The following EVI2B variants were observed in gnomAD, a reference collection of about 807,000 sequenced individuals.
The protein encoded by EVI2B is ecotropic viral integration site 2B.
In EVI2B, 4 loss-of-function variants were observed where a neutral mutation model predicts 6.6. The observed-to-expected ratio is 0.61, with a 90% CI of 0.30 to 1.39. EVI2B has a LOEUF of 1.39. EVI2B is among the 40% of genes most tolerant of loss of function. EVI2B has a pLI of 0.08. For synonymous variants in EVI2B, 181 were observed against 186.8 expected (o/e 0.97, Z 0.25); for missense variants, 484 against 516.6 (o/e 0.94, Z 0.61).
intron 1 of EVI2B, 130 bp downstream of exon 1, chr17:31,313,849 A>G: frequency 2.6e-6 from 1 of 390,768 alleles, no homozygotes; most frequent in Non-Finnish European, 4.5e-6. Context: ...ATTCTATGCA[A>G]CAAAACCACA....
At chr17:31,310,457 G>C (rs1286939439) in intron 1 of EVI2B, among the ~76,000 whole-genome samples, 2 of 152,108 alleles carry the variant, frequency 1.3e-5, no homozygotes, top group African/African-American at 2.4e-5. Context: ...TGAAGTAGAT[G>C]AAAGAAGCAA....
Position 31,304,055 on chromosome 17 carries a change from T to C in EVI2B, c.*208A>G, listed in dbSNP as rs1172421221. On this transcript the variant is annotated 3_prime_UTR_variant, in exon 2 of 2. Transcript: ENST00000330927. ...TGTAAAATGTACTATACTTTAAAGA[T>C]AGGTACTATAATTAGTAAATAGATT... is the stretch of plus-strand genomic sequence containing the variant. 4.3e-6 allele frequency: 2 copies of C among 468,852 alleles called. No individual in the cohort carries two copies. The highest frequency in any genetic ancestry group is 7.5e-6 in the Non-Finnish European group (2 of 267,612). 29.0% of individuals were successfully genotyped at this position (468,852 alleles called of 1,614,324 possible). A position where few individuals can be genotyped will look rare whatever the true frequency, so the allele number is the denominator to read the frequency against.
intron 1 of EVI2B, among the ~76,000 whole-genome samples, chr17:31,312,049 T>C (rs566664324): frequency 2.0e-5 from 3 of 152,224 alleles, no homozygotes; most frequent in East Asian, 3.9e-4. Context: ...CTGAAAATTT[T>C]GTGGTGATTT....
chr17:31,313,128 TATA>T (rs1295192516), intron 1 of EVI2B, among the ~76,000 whole-genome samples: 1 of 152,268 alleles, frequency 6.6e-6, no homozygotes, highest in Non-Finnish European at 1.5e-5. Context: ...ATAAAGCATG[TATA>T]ATAATAATAG....
chr17:31,306,401 G>C (rs955065166), intron 1 of EVI2B, among the ~76,000 whole-genome samples: 6 of 151,830 alleles, frequency 4.0e-5, no homozygotes, highest in Admixed American at 1.3e-4. Flanking sequence ...TATATATATA[G>C]ATAGATAGAC....
At position 31,304,551 on chromosome 17, in the gene EVI2B, G is replaced by T; in HGVS notation, c.1059C>A (p.Asn353Lys). The T allele has an allele frequency of 6.2e-7, 1 of 1,614,164 alleles. No individual in the cohort carries two copies. The highest frequency in any genetic ancestry group is 1.3e-5 in the African/African-American group (1 of 75,042). ...PLLDLEGQESNQSDKPTMTIV... is the reference protein window; with the variant it reads ...PLLDLEGQESKQSDKPTMTIV... Reference sequence around the variant, plus strand: ...TTGTCATTGTGGGTTTGTCAGATTGGTTACTTTCCTGTCCTTCCAAATCCA... The same window carrying T: ...TTGTCATTGTGGGTTTGTCAGATTGTTTACTTTCCTGTCCTTCCAAATCCA... Residue 353 changes from asparagine (N) to lysine (K), a missense_variant, in exon 2 of 2, where the codon AAC (asparagine) becomes AAA (lysine). Asn to Lys is a moderately conservative substitution (Grantham distance 94). Coordinates refer to ENST00000330927, the MANE Select transcript of EVI2B (RefSeq NM_006495.4).
At chr17:31,312,485 C>T (rs1412739274) in intron 1 of EVI2B, among the ~76,000 whole-genome samples, 1 of 145,244 alleles carries the variant, frequency 6.9e-6, no homozygotes, top group Non-Finnish European at 1.5e-5. Flanking sequence ...TGCCGCTGCA[C>T]ACCAGCCTGG....
intron 1 of EVI2B, among the ~76,000 whole-genome samples, chr17:31,307,569 G>GT (rs1252694628): frequency 3.9e-5 from 6 of 152,292 alleles, no homozygotes; most frequent in African/African-American, 1.4e-4. Context: ...TTAAGTTTCA[G>GT]TTCTACTTCT....
rs1237066518 is a variant in EVI2B at position 31,304,064 on chromosome 17, T to C, written c.*199A>G. On this transcript the variant is annotated 3_prime_UTR_variant, in exon 2 of 2. Coordinates refer to ENST00000330927, the MANE Select transcript of EVI2B (RefSeq NM_006495.4). ...TACTATACTTTAAAGATAGGTACTA[T>C]AATTAGTAAATAGATTACTGTTAAA... is the stretch of plus-strand genomic sequence containing the variant. 1 of 503,200 alleles carries C rather than the reference T, an allele frequency of 2.0e-6. No homozygotes were observed. The highest frequency in any genetic ancestry group is 3.5e-6 in the Non-Finnish European group (1 of 287,826). The allele number at this position is 503,200 out of a possible 1,614,324, so 31.2% of individuals were successfully genotyped here.
chr17:31,304,516 G>A lies in EVI2B; in HGVS notation c.1094C>T (p.Pro365Leu). Residue 365 changes from proline to leucine, a missense_variant, in exon 2 of 2, where the codon CCT becomes CTT. By Grantham distance (98) the Pro-to-Leu change is moderately conservative. Coordinates refer to ENST00000330927, the MANE Select transcript of EVI2B (RefSeq NM_006495.4). ...GAGACTAGTAGAATCATTTGGAAGAGGAGATACAATTGTCATTGTGGGTTT... is the reference window on the plus strand; with the variant it reads ...GAGACTAGTAGAATCATTTGGAAGAAGAGATACAATTGTCATTGTGGGTTT... ...SDKPTMTIVS[P>L]LPNDSTSLPP... The A allele has an allele frequency of 1.2e-6, 2 of 1,614,178 alleles. No homozygotes were observed. Among genetic ancestry groups the A allele is most frequent in the South Asian group, 1.1e-5 (1 of 91,082 alleles).
In EVI2B at chr17:31,305,211, A is replaced by T. The variant is rs774439090; in HGVS notation, c.399T>A (p.Thr133=). 1 of 1,614,182 alleles carries T rather than the reference A, an allele frequency of 6.2e-7. No homozygotes were observed. Among genetic ancestry groups the T allele is most frequent in the Admixed American group, 1.7e-5 (1 of 60,018 alleles). Residue 133 remains threonine, a synonymous_variant, in exon 2 of 2, where the codon ACT becomes ACA. Transcript: ENST00000330927. ...TSARQLPSAR[T]STTQPPKSFV... The stretch of plus-strand genomic sequence containing the variant: ...ATGACTTTGGTGGTTGTGTGGTAGA[A>T]GTACGGGCAGATGGTAGTTGTCTGG...
chr17:31,305,429 G>T lies in EVI2B; in HGVS notation c.181C>A (p.Gln61Lys). ...TGTCCAGAAAAAGTGTCGCTGAATT[G>T]TGTTGGTTGACCCAAAGGATTCCCT... ...TTGNPLGQPT[Q>K]FSDTFSGQSI... The change falls in exon 2 of 2, where the codon CAA becomes AAA. Residue 61 changes from glutamine (Q) to lysine (K), a missense_variant. Transcript: ENST00000330927. 6.2e-7 allele frequency: 1 copy of T among 1,614,178 alleles called. No individual in the cohort carries two copies. Among genetic ancestry groups the T allele is most frequent in the Non-Finnish European group, 8.5e-7 (1 of 1,180,026 alleles).
chr17:31,310,386 C>T (rs1032571686), intron 1 of EVI2B, among the ~76,000 whole-genome samples: 10 of 145,856 alleles, frequency 6.9e-5, no homozygotes, highest in African/African-American at 2.6e-4. Context: ...ATATAATTAG[C>T]AAGAAGGCAG....
In EVI2B at chr17:31,304,780, G is replaced by C; in HGVS notation, c.830C>G (p.Pro277Arg). ...TSIISLTPWK[P>R]SKSTLLADDL... ...ATCTGCTAAAAGTGTGCTTTTGCTTGGTTTCCAGGGTGTAAGTGAAATGAT... is the reference window on the plus strand; with the variant it reads ...ATCTGCTAAAAGTGTGCTTTTGCTTCGTTTCCAGGGTGTAAGTGAAATGAT... The change falls in exon 2 of 2, where the codon CCA becomes CGA. Residue 277 changes from proline to arginine, a missense_variant. By Grantham distance (103) the Pro-to-Arg change is moderately radical. Coordinates refer to ENST00000330927, the MANE Select transcript of EVI2B (RefSeq NM_006495.4). 2 of 1,614,000 alleles carry C rather than the reference G, an allele frequency of 1.2e-6. No homozygotes were observed. The highest frequency in any genetic ancestry group is 1.7e-6 in the Non-Finnish European group (2 of 1,179,994).
At chr17:31,309,306 GT>G (rs772818525) in intron 1 of EVI2B, among the ~76,000 whole-genome samples, 6 of 152,118 alleles carry the variant, frequency 3.9e-5, no homozygotes, top group Admixed American at 1.3e-4. Flanking sequence ...TTCCATTTTA[GT>G]TTTTGCTTTT....
rs1567884118 is a variant in EVI2B at position 31,304,514 on chromosome 17, G to A, written c.1096C>T (p.Leu366Phe). The change falls in exon 2 of 2, where the codon CTT (leucine) becomes TTT (phenylalanine). Residue 366 changes from leucine (L) to phenylalanine (F), a missense_variant. Transcript: ENST00000330927. ...DKPTMTIVSPLPNDSTSLPPS... is the reference protein window; with the variant it reads ...DKPTMTIVSPFPNDSTSLPPS... ...GGGAGACTAGTAGAATCATTTGGAAGAGGAGATACAATTGTCATTGTGGGT... is the reference window on the plus strand; with the variant it reads ...GGGAGACTAGTAGAATCATTTGGAAAAGGAGATACAATTGTCATTGTGGGT... 6.2e-7 allele frequency: 1 copy of A among 1,614,176 alleles called. No individual in the cohort carries two copies.
chr17:31,308,890 T>C (rs1427110107), intron 1 of EVI2B, among the ~76,000 whole-genome samples: 1 of 152,244 alleles, frequency 6.6e-6, no homozygotes, highest in Non-Finnish European at 1.5e-5. Context: ...TGTTTACTTT[T>C]CACATTTTCC....
rs952604656 is a variant in EVI2B at position 31,304,039 on chromosome 17, T to C, written c.*224A>G. The C allele has an allele frequency of 6.6e-5, 28 of 422,350 alleles. No individual in the cohort carries two copies. In the South Asian group the frequency reaches 1.1e-3, roughly 16 times the overall value. The allele number at this position is 422,350 out of a possible 1,614,324, so 26.2% of individuals were successfully genotyped here. The stretch of plus-strand genomic sequence containing the variant: ...ACATACCATTTACATATGTAAAATG[T>C]ACTATACTTTAAAGATAGGTACTAT... On this transcript the variant is annotated 3_prime_UTR_variant, in exon 2 of 2. Coordinates refer to ENST00000330927, the MANE Select transcript of EVI2B (RefSeq NM_006495.4).
intron 1 of EVI2B, among the ~76,000 whole-genome samples, chr17:31,313,252 A>G (rs1287380609): frequency 6.6e-6 from 1 of 152,214 alleles, no homozygotes; most frequent in Non-Finnish European, 1.5e-5. Context: ...TATATTATGT[A>G]CAGGAAAATT....
Sources: gnomAD v4.1 joint callset for allele counts (sites outside exome capture counted in the v4.1 genomes callset) on GRCh38, gnomAD v4.1.1 for gene constraint, MANE v1.5 for transcripts, NCBI Gene and HGNC (gene_info 2026-07-23, HGNC 2026-07-21) for gene names.